Variants in TMEM268 observed in about 807,000 individuals in gnomAD.
TMEM268 encodes transmembrane protein 268.
Under a neutral mutation model 39.1 loss-of-function variants are expected in TMEM268, and 24 were observed. The ratio of observed to expected loss-of-function variants is 0.61; its 90% CI spans 0.44 to 0.86. The LOEUF (loss-of-function observed/expected upper bound fraction) is 0.86, where lower values mean the gene tolerates loss of function less well. TMEM268 is among the 40% of genes least tolerant of loss of function. The probability of loss-of-function intolerance (pLI) is 0.00; values close to 1 mark genes in which losing one functional copy is unlikely to be tolerated. For missense variants in TMEM268, 409 were observed against 428.6 expected (o/e 0.95, Z 0.40); for synonymous variants, 176 against 173.5 (o/e 1.01, Z -0.12).
At chr9:114,637,690 C>T (rs73656190) in intron 7 of TMEM268, among the ~76,000 whole-genome samples, 5,132 of 152,182 alleles carry the variant, frequency 0.034, 279 homozygotes, top group African/African-American at 0.12. Flanking sequence ...GCCTTTCTAC[C>T]GTTTATTAAG....
intron 2 of TMEM268, among the ~76,000 whole-genome samples, chr9:114,617,550 ATTAT>A (rs1845777698): frequency 6.6e-6 from 1 of 151,760 alleles, no homozygotes; most frequent in Non-Finnish European, 1.5e-5. Context: ...AGAGCTCTTT[ATTAT>A]TTATTTATAT....
intron 2 of TMEM268, chr9:114,622,364 C>T: frequency 1.0e-6 from 1 of 985,298 alleles, no homozygotes. Context: ...AACCTGGGAT[C>T]CTAGAATCCC....
chr9:114,642,112 A>G (rs59422754), intron 8 of TMEM268, among the ~76,000 whole-genome samples: 4,434 of 152,302 alleles, frequency 0.029, 118 homozygotes, highest in East Asian at 0.13. Context: ...TTATGCAACC[A>G]TCACCATCAG....
At chr9:114,631,170 G>A (rs943845) in intron 5 of TMEM268, among the ~76,000 whole-genome samples, 2,090 of 151,928 alleles carry the variant, frequency 0.014, 90 homozygotes, top group South Asian at 0.077. Context: ...AATCAGCGGG[G>A]TGTGGTGGCA....
At chr9:114,620,202 C>T (rs918909944) in intron 2 of TMEM268, among the ~76,000 whole-genome samples, 12 of 151,730 alleles carry the variant, frequency 7.9e-5, no homozygotes, top group African/African-American at 2.4e-4. Flanking sequence ...GTGACAAGAG[C>T]GAAACTCCAT....
chr9:114,643,222 G>C lies in TMEM268; in HGVS notation c.938G>C (p.Arg313Pro). ...CAGCTCCCTCAGGCAATGGGGACAC[G>C]ACACACGAACTCTCCGAGAATTCCA... ...TSQLPQAMGT[R>P]HTNSPRIPCP... Residue 313 changes from arginine to proline, a missense_variant, in exon 9 of 9, where the codon CGA (arginine) becomes CCA (proline). Transcript: ENST00000288502. 2.5e-6 allele frequency: 4 copies of C among 1,614,152 alleles called. No homozygotes were observed. Among genetic ancestry groups the C allele is most frequent in the Non-Finnish European group, 3.4e-6 (4 of 1,179,998 alleles).
chr9:114,611,254 G>T (rs1476989532), upstream of TMEM268: 1 of 152,230 alleles, frequency 6.6e-6, no homozygotes, highest in Non-Finnish European at 1.5e-5. Flanking sequence ...GGCTCCGCGC[G>T]GAGGCTCCTT....
intron 1 of TMEM268, among the ~76,000 whole-genome samples, chr9:114,614,146 G>C (rs937358751): frequency 2.6e-5 from 4 of 152,242 alleles, no homozygotes; most frequent in East Asian, 3.8e-4. Flanking sequence ...ATGTCAAAGA[G>C]CATGTATGTG....
At chr9:114,617,751 T>A (rs892656868) in intron 2 of TMEM268, among the ~76,000 whole-genome samples, 1 of 152,148 alleles carries the variant, frequency 6.6e-6, no homozygotes, top group Non-Finnish European at 1.5e-5. Context: ...AAAATGTTTT[T>A]TGTAGAGTTG....
intron 2 of TMEM268, among the ~76,000 whole-genome samples, chr9:114,617,965 C>G (rs1298173037): frequency 1.3e-5 from 2 of 151,956 alleles, no homozygotes; most frequent in African/African-American, 2.4e-5. Flanking sequence ...TAGTCTTCAC[C>G]TCCCAAGTTC....
intron 5 of TMEM268, among the ~76,000 whole-genome samples, chr9:114,629,431 C>T (rs910108802): frequency 1.3e-5 from 2 of 152,256 alleles, no homozygotes; most frequent in Non-Finnish European, 2.9e-5. Context: ...TTTCACATCT[C>T]CTTCTCTGGC....
At chr9:114,634,507 G>C (rs535122020) in intron 6 of TMEM268, among the ~76,000 whole-genome samples, 2 of 152,302 alleles carry the variant, frequency 1.3e-5, no homozygotes, top group East Asian at 3.9e-4. Context: ...CTAGTATGGC[G>C]TGGCAGGGTG....
At position 114,638,583 on chromosome 9, in the gene TMEM268, A is replaced by C. The variant is rs767647663; in HGVS notation, c.706A>C (p.Met236Leu). The change falls in exon 8 of 9, where the codon ATG (methionine) becomes CTG (leucine). Residue 236 changes from methionine to leucine, a missense_variant. Transcript: ENST00000288502. ...RSRLSQLCVV[M>L]ETGVSPATAE... is the part of the protein sequence containing the mutation. ...CAGATTGAGCCAGTTGTGTGTTGTC[A>C]TGGAGACTGGGGTGAGCCCTGCAAC... The C allele has an allele frequency of 8.1e-6, 13 of 1,602,416 alleles. No individual in the cohort carries two copies. Among genetic ancestry groups the C allele is most frequent in the Non-Finnish European group, 1.1e-5 (13 of 1,175,112 alleles).
intron 2 of TMEM268, among the ~76,000 whole-genome samples, chr9:114,618,066 G>A (rs1274324862): frequency 2.6e-5 from 4 of 151,844 alleles, no homozygotes; most frequent in Non-Finnish European, 5.9e-5. Context: ...TAGTAGAGAT[G>A]GGGTTTCACC....
At chr9:114,626,284 A>T (rs984747560) in intron 3 of TMEM268, among the ~76,000 whole-genome samples, 3 of 152,134 alleles carry the variant, frequency 2.0e-5, no homozygotes, top group African/African-American at 7.2e-5. Flanking sequence ...TTAATGGTTA[A>T]GTTCTGTTTT....
intron 1 of TMEM268, among the ~76,000 whole-genome samples, 182 bp downstream of exon 1, chr9:114,611,746 C>T (rs1845504166): frequency 6.6e-6 from 1 of 152,120 alleles, no homozygotes; most frequent in African/African-American, 2.4e-5. Flanking sequence ...GGGCCCCTCC[C>T]CCGCGTGCCG....
chr9:114,639,111 T>C (rs1363398169), intron 8 of TMEM268, among the ~76,000 whole-genome samples: 2 of 152,092 alleles, frequency 1.3e-5, no homozygotes, highest in African/African-American at 4.8e-5. Context: ...CTACTTTAAT[T>C]GCAGTTAGAC....
rs749786039 is a variant in TMEM268 at position 114,628,268 on chromosome 9, C to G, written c.474+18C>G. 1.2e-6 allele frequency: 2 copies of G among 1,609,744 alleles called. No individual in the cohort carries two copies. The highest frequency in any genetic ancestry group is 1.7e-6 in the Non-Finnish European group (2 of 1,178,874). ...AGAAGAAGGTGAGATGTCTGGAGAT[C>G]CCTGCCACACTCTCTCCAGAAGAGC... On this transcript the variant is annotated intron_variant, in intron 5 of 8. Transcript: ENST00000288502.
chr9:114,612,270 T>G (rs1845531652), intron 1 of TMEM268, among the ~76,000 whole-genome samples: 1 of 152,222 alleles, frequency 6.6e-6, no homozygotes, highest in Non-Finnish European at 1.5e-5. Flanking sequence ...CCTTTGCAGA[T>G]GCTCTCTACG....
Sources: allele counts gnomAD v4.1 joint callset (sites outside exome capture counted in the v4.1 genomes callset), GRCh38; gene constraint gnomAD v4.1.1; transcripts MANE v1.5; gene names NCBI Gene and HGNC (gene_info 2026-07-23, HGNC 2026-07-21).